The following ANK3 variants were observed in gnomAD, a reference collection of about 807,000 sequenced individuals.
ANK3 encodes the protein ankyrin 3, also known as ankyrin-3.
In ANK3, 57 loss-of-function variants were observed where a neutral mutation model predicts 370.9. That is an observed-to-expected ratio of 0.15 (90% CI 0.12 to 0.19). The LOEUF (loss-of-function observed/expected upper bound fraction) is 0.19. ANK3 is among the 10% of genes least tolerant of loss of function. The pLI, the probability that ANK3 is intolerant of heterozygous loss-of-function variation, is 1.00. For missense variants in ANK3, 4,439 were observed against 5,302.1 expected (o/e 0.84, Z 5.06); for synonymous variants, 1,929 against 1,946.3 (o/e 0.99, Z 0.23).
chr10:60,032,191 C>CTTTTTTTTTTTTT (rs1564505236), intron 43 of ANK3, among the ~76,000 whole-genome samples: 15 of 57,934 alleles, frequency 2.6e-4, no homozygotes, highest in African/African-American at 8.0e-4. Flanking sequence ...AAATACACAG[C>CTTTTTTTTTTTTT]TTCTTTTTTT....
intron 1 of ANK3, among the ~76,000 whole-genome samples, chr10:60,732,833 G>A (rs1255710716): frequency 1.3e-5 from 2 of 151,984 alleles, no homozygotes; most frequent in African/African-American, 4.8e-5. Flanking sequence ...TGCTTCAGTC[G>A]TGTCCTTAGG....
intron 8 of ANK3, among the ~76,000 whole-genome samples, chr10:60,219,342 T>C (rs921332571): frequency 4.6e-5 from 7 of 152,144 alleles, no homozygotes; most frequent in Admixed American, 4.6e-4. Flanking sequence ...TTCTCAATGA[T>C]CCGTCACAGG....
chr10:60,132,247 T>C (rs1266040617), intron 25 of ANK3, among the ~76,000 whole-genome samples: 3 of 152,178 alleles, frequency 2.0e-5, no homozygotes, highest in African/African-American at 7.2e-5. Context: ...GACATGCTAT[T>C]GCACTGAAAT....
In ANK3 at chr10:60,145,918, C is replaced by A. The variant is rs1404009589; in HGVS notation, c.2615-6831G>T. 9.8e-6 allele frequency: 7 copies of A among 711,020 alleles called. No homozygotes were observed. In the East Asian group the frequency reaches 1.1e-4, roughly 11 times the overall value. The allele number at this position is 711,020 out of a possible 1,614,324, so 44.0% of individuals were successfully genotyped here. A position where few individuals can be genotyped will look rare whatever the true frequency, so the allele number is the denominator to read the frequency against. On this transcript the variant is annotated intron_variant, in intron 23 of 43. Coordinates refer to ENST00000280772, the MANE Select transcript of ANK3 (RefSeq NM_020987.5). ...GAATGAATGAAAGAGCAGTGATTGC[C>A]TTTCAAAATGGGAACTATATTTACT... is the stretch of plus-strand genomic sequence containing the variant.
At chr10:60,726,977 A>G (rs2079950290) in intron 1 of ANK3, among the ~76,000 whole-genome samples, 1 of 152,134 alleles carries the variant, frequency 6.6e-6, no homozygotes, top group Non-Finnish European at 1.5e-5. Flanking sequence ...CAAAGGAACA[A>G]TTTCCCCAAT....
At position 60,469,142 on chromosome 10, in the gene ANK3, TACC is replaced by T. The variant is rs1415193343; in HGVS notation, c.96+146041_96+146043del. Among the ~76,000 whole-genome samples the T allele has an allele frequency of 1.7e-4, 22 of 126,160 alleles. 1 individual carries two copies. Among genetic ancestry groups the T allele is most frequent in the African/African-American group, 6.3e-4 (21 of 33,498 alleles). The allele number at this position is 126,160 out of a possible 152,430, so 82.8% of individuals were successfully genotyped here. On this transcript the variant is annotated intron_variant, in intron 2 of 43. Transcript: ENST00000373827. ...ATACCACTTTTAGTATATATATATA[TACC>T]ACTTTTAGTATATATGTGTGTGTGT... is the stretch of plus-strand genomic sequence containing the variant.
chr10:60,338,273 T>C (rs2053480802), intron 1 of ANK3, among the ~76,000 whole-genome samples: 1 of 152,152 alleles, frequency 6.6e-6, no homozygotes, highest in Admixed American at 6.6e-5. Flanking sequence ...AGTACTCAGG[T>C]TAATTCAATA....
intron 42 of ANK3, chr10:60,043,562 A>G: frequency 1.0e-6 from 1 of 985,434 alleles, no homozygotes; most frequent in Non-Finnish European, 1.2e-6. Context: ...CAAAGAGGGG[A>G]ACCCCCTCCT....
At chr10:60,586,133 G>A (rs542204913) in intron 2 of ANK3, among the ~76,000 whole-genome samples, 1 of 152,248 alleles carries the variant, frequency 6.6e-6, no homozygotes, top group South Asian at 2.1e-4. Flanking sequence ...AAACTTGCAA[G>A]GGTAGGAAGC....
rs139685178 is a variant in ANK3 at position 60,598,351 on chromosome 10, C to T, written c.96+16835G>A. ...ACAAATATTTCCCTTCTCTTTAACT[C>T]CTCAGTTCCTTAGCAAATCCTTCTT... On this transcript the variant is annotated intron_variant, in intron 2 of 43. Coordinates refer to the ANK3 transcript ENST00000373827. Among the ~76,000 whole-genome samples, 413 of 152,288 alleles carry T rather than the reference C, an allele frequency of 2.7e-3. 2 individuals carry two copies. The highest frequency in any genetic ancestry group is 6.8e-3 in the Middle Eastern group (2 of 294).
chr10:60,074,255 G>T lies in ANK3; in HGVS notation c.6626C>A (p.Thr2209Asn), dbSNP rs1264374450. The T allele has an allele frequency of 6.2e-7, 1 of 1,614,092 alleles. No homozygotes were observed. The highest frequency in any genetic ancestry group is 1.7e-5 in the Admixed American group (1 of 60,010). The change falls in exon 37 of 44, where the codon ACC (threonine) becomes AAC (asparagine). Residue 2209 changes from threonine to asparagine, a missense_variant. Coordinates refer to ENST00000280772, the MANE Select transcript of ANK3 (RefSeq NM_020987.5). ...TFMELEPKPT[T>N]SSIKEKVKAF... ...TTTAACCTTTTCTTTAATACTAGAG[G>T]TGGTGGGCTTTGGTTCCAATTCCAT...
At chr10:60,460,836 T>C (rs1418176436) in intron 2 of ANK3, among the ~76,000 whole-genome samples, 4 of 152,210 alleles carry the variant, frequency 2.6e-5, no homozygotes, top group Admixed American at 2.6e-4. Flanking sequence ...CTGAATTTTA[T>C]TAAAATACAA....
At chr10:60,082,394 C>G in intron 34 of ANK3, 1 of 697,140 alleles carries the variant, frequency 1.4e-6, no homozygotes, top group South Asian at 2.1e-5. Flanking sequence ...AATCTATGCG[C>G]TACCAGCAGA....
Position 60,070,617 on chromosome 10 carries a change from C to T in ANK3, c.10264G>A (p.Asp3422Asn). The T allele has an allele frequency of 6.2e-7, 1 of 1,614,158 alleles. No individual in the cohort carries two copies. The highest frequency in any genetic ancestry group is 8.5e-7 in the Non-Finnish European group (1 of 1,180,022). The change falls in exon 37 of 44, where the codon GAT becomes AAT. Residue 3422 changes from aspartate (D) to asparagine (N), a missense_variant. Physicochemically the swap from Asp to Asn is conservative, Grantham distance 23 (BLOSUM62 1). Transcript: ENST00000280772. This position sits in a 1 kb window ranked among gnomAD's most constrained non-coding sequence, Gnocchi z 5.7. ...CTCTCTGTCAAGCCATCATCTTCAT[C>T]TTGCAGGTCATAGCCATCCAGAGAG... ...IDSLDGYDLQ[D>N]EDDGLTESDS...
chr10:60,450,516 G>A (rs1380113890), intron 2 of ANK3, among the ~76,000 whole-genome samples: 1 of 152,134 alleles, frequency 6.6e-6, no homozygotes, highest in Non-Finnish European at 1.5e-5. Flanking sequence ...CCAAAGAAGT[G>A]GGTTAGCAGC....
chr10:60,378,314 G>C (rs189243982), intron 1 of ANK3, among the ~76,000 whole-genome samples: 1 of 152,194 alleles, frequency 6.6e-6, no homozygotes, highest in African/African-American at 2.4e-5. Flanking sequence ...AAAGCCCTGA[G>C]TGAGATATTT....
intron 1 of ANK3, among the ~76,000 whole-genome samples, chr10:60,636,150 A>G (rs1455531235): frequency 6.6e-6 from 1 of 152,218 alleles, no homozygotes. Flanking sequence ...AAATCATTAC[A>G]TAATATAGCT....
At chr10:60,709,076 A>AAACAACAAC (rs57666485) in intron 1 of ANK3, among the ~76,000 whole-genome samples, 1 of 152,068 alleles carries the variant, frequency 6.6e-6, no homozygotes, top group Non-Finnish European at 1.5e-5. Context: ...ATCAAAAACA[A>AAACAACAAC]AACAACAACA....
At chr10:60,508,905 A>C (rs1391584649) in intron 2 of ANK3, among the ~76,000 whole-genome samples, 5 of 152,180 alleles carry the variant, frequency 3.3e-5, no homozygotes, top group African/African-American at 1.2e-4. Context: ...CAGTTTGTTG[A>C]AGACAATAAA....
Sources: allele counts gnomAD v4.1 joint callset (sites outside exome capture counted in the v4.1 genomes callset), GRCh38; gene constraint gnomAD v4.1.1; non-coding constraint Gnocchi (gnomAD v3.1); transcripts MANE v1.5; gene names NCBI Gene and HGNC (gene_info 2026-07-23, HGNC 2026-07-21).